The following PNPLA6 variants were observed in gnomAD, a reference collection of about 807,000 sequenced individuals.
The protein encoded by PNPLA6 is patatin-like phospholipase domain-containing protein 6.
PNPLA6 carries 105 observed loss-of-function variants against 153.7 expected under a neutral mutation model. The ratio of observed to expected loss-of-function variants is 0.68; its 90% CI spans 0.58 to 0.80. The LOEUF (loss-of-function observed/expected upper bound fraction) is 0.80. Among genes scored for constraint, PNPLA6 ranks in the 30% least tolerant of loss-of-function variants. PNPLA6 has a pLI of 0.00. For missense variants in PNPLA6, 1,423 were observed against 1,919.3 expected, an observed-to-expected ratio of 0.74 and a Z score of 4.83; for synonymous variants, 825 against 822.2, an observed-to-expected ratio of 1.00 and a Z score of -0.06.
rs2023817237 is a variant in PNPLA6 at position 7,555,164 on chromosome 19, C to T, written c.2818-85C>T. ...GGGCGGGGCCTGGGAGGGCTGAGGA[C>T]AGGCTCGAAGGTCAGGGTACCCCTG... is the stretch of plus-strand genomic sequence containing the variant. On this transcript the variant is annotated intron_variant, in intron 22 of 31. Transcript: ENST00000600737. This position sits in a 1 kb window ranked among gnomAD's most constrained non-coding sequence, Gnocchi z 6.3. The T allele has an allele frequency of 6.6e-7, 1 of 1,519,346 alleles. No individual in the cohort carries two copies. Among genetic ancestry groups the T allele is most frequent in the Non-Finnish European group, 8.9e-7 (1 of 1,123,402 alleles). The allele number at this position is 1,519,346 out of a possible 1,614,324, so 94.1% of individuals were successfully genotyped here. A position where few individuals can be genotyped will look rare whatever the true frequency, so the allele number is the denominator to read the frequency against.
At position 7,535,948 on chromosome 19, in the gene PNPLA6, A is replaced by G. The variant is rs1380428189; in HGVS notation, c.160A>G (p.Ile54Val). 5.0e-6 allele frequency: 8 copies of G among 1,587,736 alleles called. No individual in the cohort carries two copies. Among genetic ancestry groups the G allele is most frequent in the Non-Finnish European group, 6.8e-6 (8 of 1,171,484 alleles). ...PFVPQVLGVM[I>V]GAGVAVVVTA... ...CGTCCCTCAGGTGCTTGGCGTGATG[A>G]TCGGGGCCGGAGTGGCGGTGGTGGT... Residue 54 changes from isoleucine to valine, a missense_variant, in exon 1 of 32, where the codon ATC becomes GTC. This residue lies in a region of PNPLA6 where 109 missense variants were observed against 109.4 expected (regional missense o/e 1.00). Coordinates refer to ENST00000600737, the MANE Select transcript of PNPLA6 (RefSeq NM_001166114.2). The surrounding 1 kb of genome is among the most constrained non-coding windows in gnomAD (Gnocchi z 5.0).
intron 13 of PNPLA6, among the ~76,000 whole-genome samples, chr19:7,547,752 C>T (rs963876857): frequency 1.3e-5 from 2 of 151,812 alleles, no homozygotes; most frequent in African/African-American, 4.8e-5. Context: ...ATCCTCCTGC[C>T]TCAGCCTCCA....
At chr19:7,548,116 C>T (rs1177782408) in intron 13 of PNPLA6, among the ~76,000 whole-genome samples, 1 of 150,958 alleles carries the variant, frequency 6.6e-6, no homozygotes, top group Non-Finnish European at 1.5e-5. Flanking sequence ...GAGGCCAAGG[C>T]GGTTGGATCA....
At chr19:7,551,551 A>C (rs2023652062) in intron 18 of PNPLA6, 114 bp downstream of exon 18, 10 of 929,746 alleles carry the variant, frequency 1.1e-5, no homozygotes, top group Non-Finnish European at 1.7e-5. Context: ...CCGCGAAGAA[A>C]TCGTGCCCCT....
In PNPLA6 at chr19:7,540,328, G is replaced by T. The variant is rs1250319765; in HGVS notation, c.714+20G>T. Reference sequence around the variant, plus strand: ...GGGCCTGTGAGTGGGCCTCCCCAGGGGCTGCTGCAGGAGGATGGGTGGTGG... The same window carrying T: ...GGGCCTGTGAGTGGGCCTCCCCAGGTGCTGCTGCAGGAGGATGGGTGGTGG... On this transcript the variant is annotated intron_variant, in intron 5 of 31. Coordinates refer to ENST00000600737, the MANE Select transcript of PNPLA6 (RefSeq NM_001166114.2). This position sits in a 1 kb window ranked among gnomAD's most constrained non-coding sequence, Gnocchi z 6.8. 1 of 1,595,058 alleles carries T rather than the reference G, an allele frequency of 6.3e-7. No individual in the cohort carries two copies.
rs2024107415 is a variant in PNPLA6, at chr19:7,561,635, A to C, written c.*73A>C. ...GGGGGTGGCCCCGTGGGGGTAGCTC[A>C]CTCCCCCTCCTGCTGCTATGCCTGT... On this transcript the variant is annotated 3_prime_UTR_variant, in exon 32 of 32. Coordinates refer to ENST00000600737, the MANE Select transcript of PNPLA6 (RefSeq NM_001166114.2). 1 of 1,024,758 alleles carries C rather than the reference A, an allele frequency of 9.8e-7. No homozygotes were observed. 63.5% of individuals were successfully genotyped at this position (1,024,758 alleles called of 1,614,324 possible). A position where few individuals can be genotyped will look rare whatever the true frequency, so the allele number is the denominator to read the frequency against.
At chr19:7,557,103 G>A (rs1056291505) in intron 26 of PNPLA6, 65 bp from the exon 27 acceptor site, 24 of 1,249,058 alleles carry the variant, frequency 1.9e-5, no homozygotes, top group East Asian at 7.0e-5. Context: ...CCATCGGGCC[G>A]GCTGGGCCTC....
At chr19:7,551,530 G>GAA (rs1209948784) in intron 18 of PNPLA6, 93 bp downstream of exon 18, 4 of 1,102,926 alleles carry the variant, frequency 3.6e-6, no homozygotes, top group Non-Finnish European at 5.5e-6. Context: ...GGGATGCTGG[G>GAA]AAATGGAGTT....
Position 7,555,666 on chromosome 19 carries a change from T to C in PNPLA6, c.2996T>C (p.Leu999Pro). ...ALEEAGVPVD[L>P]VGGTSIGSFI... ...GAGGAGGCGGGGGTCCCCGTGGACC[T>C]GGTGGGCGGCACGTCCATTGGCTCT... Residue 999 changes from leucine (L) to proline (P), a missense_variant, in exon 24 of 32, where the codon CTG (leucine) becomes CCG (proline). Leu to Pro is a moderately conservative substitution (Grantham distance 98, BLOSUM62 -3). Coordinates refer to ENST00000600737, the MANE Select transcript of PNPLA6 (RefSeq NM_001166114.2). The surrounding 1 kb of genome is among the most constrained non-coding windows in gnomAD (Gnocchi z 6.3). 1 of 1,613,400 alleles carries C rather than the reference T, an allele frequency of 6.2e-7. No homozygotes were observed. The highest frequency in any genetic ancestry group is 1.1e-5 in the South Asian group (1 of 91,058).
At chr19:7,546,274 G>T (rs1011065012) in intron 13 of PNPLA6, among the ~76,000 whole-genome samples, 5 of 151,910 alleles carry the variant, frequency 3.3e-5, no homozygotes, top group East Asian at 3.9e-4. Context: ...AATATTTTTT[G>T]GGGGGGTGTA....
chr19:7,544,901 G>A (rs2023319256), intron 13 of PNPLA6, among the ~76,000 whole-genome samples: 1 of 152,200 alleles, frequency 6.6e-6, no homozygotes, highest in East Asian at 1.9e-4. Context: ...GCTTATCTGG[G>A]AGACTGCTGG....
chr19:7,550,920 A>G (rs916177538), intron 16 of PNPLA6, 74 bp from the exon 17 acceptor site: 1 of 1,147,566 alleles, frequency 8.7e-7, no homozygotes, highest in Non-Finnish European at 1.3e-6. Flanking sequence ...GGGGCAGTAC[A>G]GCCCCCTTTC....
chr19:7,541,203 C>G lies in PNPLA6; in HGVS notation c.925-151C>G. On this transcript the variant is annotated intron_variant, in intron 7 of 31. Transcript: ENST00000600737. This position sits in a 1 kb window ranked among gnomAD's most constrained non-coding sequence, Gnocchi z 5.2. The stretch of plus-strand genomic sequence containing the variant: ...AGCCAGATGTCTGCAGCCGCGGACT[C>G]CTCCCTTAGCTGCCTCGCCCCATTT... 9.1e-7 allele frequency: 1 copy of G among 1,099,444 alleles called. No homozygotes were observed. The highest frequency in any genetic ancestry group is 1.3e-6 in the Non-Finnish European group (1 of 742,764). The allele number at this position is 1,099,444 out of a possible 1,614,324, so 68.1% of individuals were successfully genotyped here.
chr19:7,559,339 A>G (rs1400171647), intron 28 of PNPLA6, among the ~76,000 whole-genome samples, 188 bp downstream of exon 28: 1 of 152,168 alleles, frequency 6.6e-6, no homozygotes, highest in African/African-American at 2.4e-5. Context: ...GTGGCTGTGC[A>G]TGTGCTGTGT....
In PNPLA6 at chr19:7,541,667, C is replaced by T. The variant is rs759886083; in HGVS notation, c.1151C>T (p.Pro384Leu). 7 of 1,573,902 alleles carry T rather than the reference C, an allele frequency of 4.4e-6. No homozygotes were observed. The highest frequency in any genetic ancestry group is 6.0e-6 in the Non-Finnish European group (7 of 1,161,620). The part of the protein sequence containing the change: ...PGRPPDPTGA[P>L]LPGPTGDPVK... ...CGGCCACCCGATCCCACCGGGGCCC[C>T]GCTGCCTGGACCTACAGGTACCCAG... Residue 384 changes from proline (P) to leucine (L), a missense_variant, in exon 9 of 32, where the codon CCG becomes CTG. Physicochemically the swap from Pro to Leu is moderately conservative, Grantham distance 98. Around this residue, in one of 10 missense-constraint regions of PNPLA6, gnomAD observed 267 missense variants for 255.1 expected, o/e 1.05. Transcript: ENST00000600737. The surrounding 1 kb of genome is among the most constrained non-coding windows in gnomAD (Gnocchi z 5.2).
rs777915841 is a variant in PNPLA6 at position 7,554,203 on chromosome 19, C to G, written c.2402-6C>G. 2 of 1,613,734 alleles carry G rather than the reference C, an allele frequency of 1.2e-6. No individual in the cohort carries two copies. The highest frequency in any genetic ancestry group is 1.7e-6 in the Non-Finnish European group (2 of 1,179,646). On this transcript the variant is annotated splice_polypyrimidine_tract_variant and splice_region_variant and intron_variant, in intron 19 of 31. Transcript: ENST00000600737. ...TTCCCAGCCTCCCTTCCCCACCTACCCCTAGGTCCGACGCTACTCCTTAAC... is the reference window on the plus strand; with the variant it reads ...TTCCCAGCCTCCCTTCCCCACCTACGCCTAGGTCCGACGCTACTCCTTAAC...
chr19:7,554,727 G>A lies in PNPLA6; in HGVS notation c.2634+4G>A, dbSNP rs751744206. On this transcript the variant is annotated splice_donor_region_variant and intron_variant, in intron 21 of 31. Transcript: ENST00000600737. ...CCAGGAGCCTACCCTCGGCCAGGTC[G>A]GAAGCCCGTGCCCCCTGATCTCACC... 4 of 1,611,530 alleles carry A rather than the reference G, an allele frequency of 2.5e-6. No individual in the cohort carries two copies. Among genetic ancestry groups the A allele is most frequent in the South Asian group, 1.1e-5 (1 of 91,050 alleles).
At chr19:7,556,977 C>CTGT in intron 26 of PNPLA6, 191 bp from the exon 27 acceptor site, 2 of 712,456 alleles carry the variant, frequency 2.8e-6, no homozygotes, top group Admixed American at 3.9e-5. Context: ...CTGTGTGTGG[C>CTGT]GTTACGTCCG....
chr19:7,549,983 GC>G lies in PNPLA6; in HGVS notation c.1687del (p.Leu563CysfsTer3). 1 of 1,613,990 alleles carries G rather than the reference GC, an allele frequency of 6.2e-7. No homozygotes were observed. The highest frequency in any genetic ancestry group is 8.5e-7 in the Non-Finnish European group (1 of 1,180,042). ...QRMIDKAEDVCLFVAQPGELV... is the reference protein window; with the variant it reads ...QRMIDKAEDVXLFVAQPGELV... The stretch of plus-strand genomic sequence containing the variant: ...ATGATCGACAAGGCGGAGGACGTGT[GC>G]CTGTTCGTAGCGCAGCCCGGGGAAC... On this transcript the variant is annotated frameshift_variant, in exon 14 of 32. Coordinates refer to ENST00000600737, the MANE Select transcript of PNPLA6 (RefSeq NM_001166114.2). LOFTEE classifies it high-confidence loss of function.
Sources: allele counts gnomAD v4.1 joint callset (sites outside exome capture counted in the v4.1 genomes callset), GRCh38; gene constraint gnomAD v4.1.1; regional missense constraint gnomAD v4.1.1; non-coding constraint Gnocchi (gnomAD v3.1); transcripts MANE v1.5; gene names NCBI Gene and HGNC (gene_info 2026-07-23, HGNC 2026-07-21).